Variants in PPP2R5C observed in about 807,000 individuals in gnomAD.
The protein encoded by PPP2R5C is serine/threonine-protein phosphatase 2A 56 kDa regulatory subunit gamma isoform.
PPP2R5C carries 7 observed loss-of-function variants against 68.9 expected under a neutral mutation model. That is an observed-to-expected ratio of 0.10 (90% CI 0.06 to 0.19). The LOEUF (loss-of-function observed/expected upper bound fraction) is 0.19. Ranked by LOEUF, PPP2R5C falls within the 10% of genes least tolerant of loss-of-function variation. PPP2R5C has a pLI of 1.00. For synonymous variants in PPP2R5C, 210 were observed against 222.2 expected (o/e 0.95, Z 0.49); for missense variants, 348 against 641.3 (o/e 0.54, Z 4.94).
chr14:101,842,946 C>T (rs2140437109), intron 1 of PPP2R5C, among the ~76,000 whole-genome samples: 1 of 152,038 alleles, frequency 6.6e-6, no homozygotes, highest in East Asian at 1.9e-4. Flanking sequence ...GCATTTTGGG[C>T]TGGGCACAGT....
upstream of PPP2R5C, among the ~76,000 whole-genome samples, chr14:101,807,136 G>A (rs962296880): frequency 6.6e-6 from 1 of 151,864 alleles, no homozygotes; most frequent in African/African-American, 2.4e-5. Flanking sequence ...TTATTTAACT[G>A]TTTAAGCCAC....
intron 2 of PPP2R5C, among the ~76,000 whole-genome samples, chr14:101,784,617 C>G (rs2038001483): frequency 6.6e-6 from 1 of 152,184 alleles, no homozygotes; most frequent in Middle Eastern, 3.2e-3. Context: ...CCAGTCACCT[C>G]CCACCAGGTC....
intron 1 of PPP2R5C, among the ~76,000 whole-genome samples, chr14:101,827,207 C>T (rs1271180918): frequency 6.6e-6 from 1 of 151,996 alleles, no homozygotes; most frequent in Non-Finnish European, 1.5e-5. Flanking sequence ...AACTCCTGAC[C>T]TGAAGTGATC....
intron 9 of PPP2R5C, among the ~76,000 whole-genome samples, chr14:101,903,413 GT>G (rs2045828316): frequency 6.6e-6 from 1 of 152,192 alleles, no homozygotes; most frequent in Admixed American, 6.5e-5. Flanking sequence ...CACTCCACAT[GT>G]CACAGAAGCC....
At chr14:101,816,880 ATTATATATATAT>A (rs1566864176) in intron 1 of PPP2R5C, among the ~76,000 whole-genome samples, 1 of 135,928 alleles carries the variant, frequency 7.4e-6, no homozygotes, top group Non-Finnish European at 1.5e-5. Flanking sequence ...TTATATATAT[ATTATATATATAT>A]TATATAAATA....
In PPP2R5C at chr14:101,906,211, A is replaced by C. The variant is rs1444129371; in HGVS notation, c.1024-191A>C. On this transcript the variant is annotated intron_variant, in intron 9 of 13. Transcript: ENST00000334743. This position sits in a 1 kb window ranked among gnomAD's most constrained non-coding sequence, Gnocchi z 4.0. Reference sequence around the variant, plus strand: ...GTTCTTGATGAGTTGATGTACAAGAAGTTGTCTGCCTCTTTGTTGAAGGCT... The same window carrying C: ...GTTCTTGATGAGTTGATGTACAAGACGTTGTCTGCCTCTTTGTTGAAGGCT... 6.6e-6 allele frequency among the ~76,000 whole-genome samples: 1 copy of C among 152,248 alleles called. No individual in the cohort carries two copies. The highest frequency in any genetic ancestry group is 1.5e-5 in the Non-Finnish European group (1 of 68,044).
At chr14:101,850,231 A>G (rs1419214882) in intron 1 of PPP2R5C, among the ~76,000 whole-genome samples, 4 of 152,198 alleles carry the variant, frequency 2.6e-5, no homozygotes, top group Non-Finnish European at 4.4e-5. Context: ...GATAAGAAAG[A>G]GAAGAACAAT....
chr14:101,836,184 TG>T, intron 1 of PPP2R5C: 1 of 702,598 alleles, frequency 1.4e-6, no homozygotes, highest in Non-Finnish European at 2.6e-6. Context: ...GCTGTGAAGC[TG>T]GGCAGGGTTT....
rs759191723 is a variant in PPP2R5C at position 101,917,787 on chromosome 14, G to T, written c.1327-44G>T. 7 of 1,609,776 alleles carry T rather than the reference G, an allele frequency of 4.3e-6. No individual in the cohort carries two copies. The East Asian group carries it at 1.1e-4, about 26-fold the overall frequency. On this transcript the variant is annotated intron_variant, in intron 12 of 13. Coordinates refer to ENST00000334743, the Ensembl canonical transcript of PPP2R5C. This position sits in a 1 kb window ranked among gnomAD's most constrained non-coding sequence, Gnocchi z 4.4. The stretch of plus-strand genomic sequence containing the variant: ...GCCAGGATGAGAAGCTTGGAGTTCA[G>T]AGCCTGGGCACCTAACAGAGCGACT...
intron 1 of PPP2R5C, among the ~76,000 whole-genome samples, chr14:101,829,264 A>G (rs1449474074): frequency 6.6e-6 from 1 of 152,150 alleles, no homozygotes; most frequent in African/African-American, 2.4e-5. Flanking sequence ...AAGAAAAAGC[A>G]TCCTGTATTA....
Position 101,914,288 on chromosome 14 carries a change from G to A in PPP2R5C, c.1326+1815G>A, listed in dbSNP as rs149987287. 39 of 433,054 alleles carry A rather than the reference G, an allele frequency of 9.0e-5. No individual in the cohort carries two copies. The East Asian group carries it at 1.3e-3, about 14-fold the overall frequency. The allele number at this position is 433,054 out of a possible 1,614,324, so 26.8% of individuals were successfully genotyped here. A position where few individuals can be genotyped will look rare whatever the true frequency, so the allele number is the denominator to read the frequency against. On this transcript the variant is annotated intron_variant, in intron 12 of 13. Transcript: ENST00000334743. The stretch of plus-strand genomic sequence containing the variant: ...CTGTGACGCAGTCCCCATGAGTCTC[G>A]TCCACATGCTCTAGTCGCATGGCAC...
rs1441806134 is a variant in PPP2R5C at position 101,879,730 on chromosome 14, C to G, written c.295-2431C>G. Among the ~76,000 whole-genome samples the G allele has an allele frequency of 6.6e-6, 1 of 152,184 alleles. No individual in the cohort carries two copies. The highest frequency in any genetic ancestry group is 1.5e-5 in the Non-Finnish European group (1 of 68,036). On this transcript the variant is annotated intron_variant, in intron 2 of 13. Transcript: ENST00000334743. This position sits in a 1 kb window ranked among gnomAD's most constrained non-coding sequence, Gnocchi z 4.2. Reference sequence around the variant, plus strand: ...TCCTGTGGGTGACTGGACCCTCACCCCAGTCTCTTGGCTTTGAGAGAGAGG... The same window carrying G: ...TCCTGTGGGTGACTGGACCCTCACCGCAGTCTCTTGGCTTTGAGAGAGAGG...
Position 101,768,732 on chromosome 14 carries a change from AG to A in PPP2R5C, c.93+5765del, listed in dbSNP as rs1038658609. ...CGTTTTGACCTTGTGGACCCCTGAA[AG>A]GGTCAAGGGACACACCCCAGACCAC... is the stretch of plus-strand genomic sequence containing the variant. On this transcript the variant is annotated intron_variant, in intron 2 of 14. Coordinates refer to the PPP2R5C transcript ENST00000328724. 2.7e-4 allele frequency among the ~76,000 whole-genome samples: 41 copies of A among 152,194 alleles called. 1 individual carries two copies. The highest frequency in any genetic ancestry group is 9.6e-4 in the African/African-American group (40 of 41,520).
At chr14:101,768,126 C>T (rs1476474139) in intron 2 of PPP2R5C, among the ~76,000 whole-genome samples, 2 of 152,190 alleles carry the variant, frequency 1.3e-5, no homozygotes, top group Non-Finnish European at 2.9e-5. Context: ...CCCACTGCCC[C>T]CACCAACTGT....
intron 2 of PPP2R5C, among the ~76,000 whole-genome samples, chr14:101,871,264 CAG>C (rs772175060): frequency 1.3e-5 from 2 of 150,882 alleles, no homozygotes; most frequent in East Asian, 1.9e-4. Flanking sequence ...TGTTTTGAGA[CAG>C]AGTCTCGCTC....
At chr14:101,819,395 C>A in intron 1 of PPP2R5C, 1 of 283,222 alleles carries the variant, frequency 3.5e-6, no homozygotes, top group Non-Finnish European at 6.8e-6. Context: ...GGACGTTTGC[C>A]CTGGTGGTGC....
At chr14:101,842,759 T>TTC (rs1555390300) in intron 1 of PPP2R5C, among the ~76,000 whole-genome samples, 1 of 143,062 alleles carries the variant, frequency 7.0e-6, no homozygotes, top group African/African-American at 2.8e-5. Flanking sequence ...TCTTTTTTCT[T>TTC]TTTTTTTTTT....
At chr14:101,896,574 A>C (rs912344333) in intron 8 of PPP2R5C, among the ~76,000 whole-genome samples, 1 of 151,590 alleles carries the variant, frequency 6.6e-6, no homozygotes, top group African/African-American at 2.4e-5. Context: ...TCTCTACAAA[A>C]AATACAAAAA....
At chr14:101,796,892 C>T (rs2038637785) in intron 3 of PPP2R5C, 6 of 309,754 alleles carry the variant, frequency 1.9e-5, no homozygotes, top group South Asian at 1.4e-4. Flanking sequence ...CTCAAGCCGT[C>T]CTTATCTAAA....
Sources: allele counts gnomAD v4.1 joint callset (sites outside exome capture counted in the v4.1 genomes callset), GRCh38; gene constraint gnomAD v4.1.1; non-coding constraint Gnocchi (gnomAD v3.1); transcripts MANE v1.5; gene names NCBI Gene and HGNC (gene_info 2026-07-23, HGNC 2026-07-21).